Variants in TNNT2 observed in about 807,000 individuals in gnomAD.
The protein encoded by TNNT2 is troponin T, cardiac muscle.
In TNNT2, 34 loss-of-function variants were observed where a neutral mutation model predicts 62.4. The ratio of observed to expected loss-of-function variants is 0.54; its 90% confidence interval spans 0.41 to 0.72. The LOEUF (loss-of-function observed/expected upper bound fraction) is 0.72, where lower values mean the gene tolerates loss of function less well. Ranked by LOEUF, TNNT2 falls within the 30% of genes least tolerant of loss-of-function variation. The pLI, the probability that TNNT2 is intolerant of heterozygous loss-of-function variation, is 0.00. For synonymous variants in TNNT2, 123 were observed against 127.2 expected, an observed-to-expected ratio of 0.97 and a Z score of 0.22; for missense variants, 275 against 381.9, an observed-to-expected ratio of 0.72 and a Z score of 2.33.
At position 201,363,349 on chromosome 1, in the gene TNNT2, G is replaced by T. The variant is rs727503512; in HGVS notation, c.547C>A (p.Arg183=). The T allele has an allele frequency of 6.2e-7, 1 of 1,614,088 alleles. No homozygotes were observed. The highest frequency in any genetic ancestry group is 1.7e-5 in the Admixed American group (1 of 60,008). ...ENRRKAEDEA[R]KKKALSNMMH... ...ATGTTGGACAAAGCCTTCTTCTTCC[G>T]GGCCTCATCCTCAGCCTTCCTCCTG... is the stretch of plus-strand genomic sequence containing the variant. The change falls in exon 12 of 17, where the codon CGG becomes AGG. Residue 183 remains arginine (R), a synonymous_variant. Transcript: ENST00000656932.
At position 201,368,158 on chromosome 1, in the gene TNNT2, TTAC is replaced by T; in HGVS notation, c.163+1_163+3del. The T allele has an allele frequency of 1.9e-6, 3 of 1,614,080 alleles. No individual in the cohort carries two copies. The highest frequency in any genetic ancestry group is 2.5e-6 in the Non-Finnish European group (3 of 1,179,998). ...GGCCCCTGCACCCTCAACCAGAGAC[TTAC>T]CTTCTGCCCTGGTCTCCTCGGTCTC... On this transcript the variant is annotated splice_donor_variant and splice_donor_region_variant and intron_variant, in intron 6 of 16. Coordinates refer to ENST00000656932, the MANE Select transcript of TNNT2 (RefSeq NM_001276345.2). LOFTEE classifies it high-confidence loss of function.
chr1:201,364,367 A>G lies in TNNT2; in HGVS notation c.420T>C (p.Arg140=), dbSNP rs2102254057. The change falls in exon 11 of 17, where the codon CGT becomes CGC. Residue 140 remains arginine (R), a synonymous_variant. Coordinates refer to ENST00000656932, the MANE Select transcript of TNNT2 (RefSeq NM_001276345.2). ...LVSLKDRIER[R]RAERAEQQRI... is the part of the protein sequence containing the mutation. The stretch of plus-strand genomic sequence containing the variant: ...GCTGCTGCTCGGCCCGCTCTGCCCG[A>G]CGTCTCTCCTAAGGAGAAGAGGCAA... 2 of 1,612,798 alleles carry G rather than the reference A, an allele frequency of 1.2e-6. No individual in the cohort carries two copies. The highest frequency in any genetic ancestry group is 8.5e-7 in the Non-Finnish European group (1 of 1,179,964).
rs183848618 is a variant in TNNT2, at chr1:201,365,831, C to T, written c.234-161G>A. 1.9e-3 allele frequency: 2,811 copies of T among 1,516,978 alleles called. 2 individuals carry two copies. The highest frequency in any genetic ancestry group is 2.3e-3 in the Non-Finnish European group (2,589 of 1,129,162). 94.0% of individuals were successfully genotyped at this position (1,516,978 alleles called of 1,614,324 possible). On this transcript the variant is annotated intron_variant, in intron 8 of 16. Coordinates refer to ENST00000656932, the MANE Select transcript of TNNT2 (RefSeq NM_001276345.2). ...CACTGACGTCAACAATGGCAGTCCT[C>T]AGCCTTGCTCAGCACCTGGGAATAC... is the stretch of plus-strand genomic sequence containing the variant.
intron 2 of TNNT2, 21 bp downstream of exon 2, chr1:201,373,193 C>A: frequency 6.2e-7 from 1 of 1,613,902 alleles, no homozygotes; most frequent in Non-Finnish European, 8.5e-7. Flanking sequence ...CCCACTCAGG[C>A]AAGATGCTCC....
At chr1:201,363,795 G>A (rs565796106) in intron 11 of TNNT2, 19 of 314,600 alleles carry the variant, frequency 6.0e-5, no homozygotes, top group African/African-American at 1.9e-4. Flanking sequence ...TCATAAGGAC[G>A]CAGGCATTTC....
chr1:201,362,333 G>C, intron 13 of TNNT2, 53 bp downstream of exon 13: 1 of 1,609,570 alleles, frequency 6.2e-7, no homozygotes, highest in South Asian at 1.1e-5. Context: ...CCCCTCCCAG[G>C]GAGCTCTCCA....
At position 201,361,252 on chromosome 1, in the gene TNNT2, C is replaced by G. The variant is rs142475266; in HGVS notation, c.810+27G>C. On this transcript the variant is annotated intron_variant, in intron 15 of 16. Coordinates refer to ENST00000656932, the MANE Select transcript of TNNT2 (RefSeq NM_001276345.2). Reference sequence around the variant, plus strand: ...CCAGGAGGAGTGTGAGATGGAGATGCTGGGCGGGGACAGCATGGCGGCCCA... The same window carrying G: ...CCAGGAGGAGTGTGAGATGGAGATGGTGGGCGGGGACAGCATGGCGGCCCA... 1.3e-3 allele frequency: 2,150 copies of G among 1,610,554 alleles called. 47 individuals carry two copies. In the Admixed American group the frequency reaches 0.03, roughly 23 times the overall value.
At chr1:201,363,172 T>G (rs1659016544) in intron 12 of TNNT2, 124 bp downstream of exon 12, 1 of 1,591,156 alleles carries the variant, frequency 6.3e-7, no homozygotes, top group African/African-American at 1.3e-5. Context: ...ACCTCAGTCT[T>G]CCACCCACAG....
chr1:201,359,064 G>C lies in TNNT2; in HGVS notation c.*146C>G. Reference sequence around the variant, plus strand: ...TGGTGTGGAGTGGGTGTGGGGGCAGGCAGGAGTGGTGGCTCCCACCTAGGC... The same window carrying C: ...TGGTGTGGAGTGGGTGTGGGGGCAGCCAGGAGTGGTGGCTCCCACCTAGGC... On this transcript the variant is annotated 3_prime_UTR_variant, in exon 17 of 17. Coordinates refer to ENST00000656932, the MANE Select transcript of TNNT2 (RefSeq NM_001276345.2). 1.0e-6 allele frequency: 1 copy of C among 953,010 alleles called. No homozygotes were observed. Among genetic ancestry groups the C allele is most frequent in the Non-Finnish European group, 1.6e-6 (1 of 608,416 alleles). 59.0% of individuals were successfully genotyped at this position (953,010 alleles called of 1,614,324 possible).
chr1:201,368,808 G>A (rs1250715696), intron 5 of TNNT2, among the ~76,000 whole-genome samples: 1 of 152,202 alleles, frequency 6.6e-6, no homozygotes, highest in Non-Finnish European at 1.5e-5. Context: ...TGTGCCTGTA[G>A]GAAGTGTTCT....
At chr1:201,366,004 A>G (rs1659593262) in intron 8 of TNNT2, 1 of 1,212,540 alleles carries the variant, frequency 8.2e-7, no homozygotes, top group Non-Finnish European at 1.0e-6. Flanking sequence ...AGAAGCTGTG[A>G]CAAGATGCCA....
chr1:201,360,026 C>A (rs147194518), intron 15 of TNNT2, among the ~76,000 whole-genome samples: 3 of 152,212 alleles, frequency 2.0e-5, no homozygotes, highest in Non-Finnish European at 4.4e-5. Context: ...GGCACCCCTG[C>A]CCAGCTGCCC....
intron 7 of TNNT2, chr1:201,367,334 G>C: frequency 5.2e-6 from 2 of 382,614 alleles, no homozygotes; most frequent in Non-Finnish European, 9.8e-6. Flanking sequence ...CTCCCCTTTG[G>C]AGAAGTGACT....
intron 7 of TNNT2, 122 bp from the exon 8 acceptor site, chr1:201,366,993 C>T (rs761325234): frequency 1.1e-5 from 17 of 1,535,928 alleles, no homozygotes; most frequent in African/African-American, 4.1e-5. Context: ...GAGTCCCTCC[C>T]GGCACTGGGG....
intron 7 of TNNT2, 121 bp downstream of exon 7, chr1:201,367,650 C>A: frequency 8.6e-7 from 1 of 1,156,146 alleles, no homozygotes; most frequent in South Asian, 1.2e-5. Context: ...CTGTCCTCTC[C>A]TCTCCCAAAC....
rs766666484 is a variant in TNNT2, at chr1:201,365,190, C to T, written c.411+1G>A. The T allele has an allele frequency of 3.7e-6, 6 of 1,611,036 alleles. No homozygotes were observed. The highest frequency in any genetic ancestry group is 1.3e-5 in the African/African-American group (1 of 74,870). On this transcript the variant is annotated splice_donor_variant, in intron 10 of 16. Coordinates refer to ENST00000656932, the MANE Select transcript of TNNT2 (RefSeq NM_001276345.2). LOFTEE classifies it high-confidence loss of function. ...GTTAGGTGGGCAGACTGGACACCTA[C>T]GATCCTGTCTTTGAGAGAAACGAGC...
In TNNT2 at chr1:201,359,129, A is replaced by G. The variant is rs1377480970; in HGVS notation, c.*81T>C. 2.6e-6 allele frequency: 4 copies of G among 1,548,076 alleles called. No homozygotes were observed. The highest frequency in any genetic ancestry group is 2.6e-6 in the Non-Finnish European group (3 of 1,139,518). On this transcript the variant is annotated 3_prime_UTR_variant, in exon 17 of 17. Coordinates refer to ENST00000656932, the MANE Select transcript of TNNT2 (RefSeq NM_001276345.2). ...CAAACAGGAGCTGCCTGGGGTGCCC[A>G]GGAGGGCCCGGGAACTGGGGGAGTG...
rs1571591032 is a variant in TNNT2 at position 201,359,724 on chromosome 1, T to C, written c.811-61A>G. ...GGAGCTGACTGGCTCAGGTCCCAGG[T>C]GGCCTGGGGATGGGGAGAAGGGGGC... On this transcript the variant is annotated intron_variant, in intron 15 of 16. Transcript: ENST00000656932. The C allele has an allele frequency of 6.7e-6, 10 of 1,499,988 alleles. No individual in the cohort carries two copies. The Admixed American group carries it at 7.7e-5, about 12-fold the overall frequency. The allele number at this position is 1,499,988 out of a possible 1,614,324, so 92.9% of individuals were successfully genotyped here.
intron 1 of TNNT2, among the ~76,000 whole-genome samples, chr1:201,376,537 G>T (rs915854340): frequency 6.6e-6 from 1 of 152,168 alleles, no homozygotes; most frequent in Non-Finnish European, 1.5e-5. Flanking sequence ...GGAAGTGGGG[G>T]TCAGAAATAG....
Sources: allele counts gnomAD v4.1 joint callset (sites outside exome capture counted in the v4.1 genomes callset), GRCh38; gene constraint gnomAD v4.1.1; transcripts MANE v1.5; gene names NCBI Gene and HGNC (gene_info 2026-07-23, HGNC 2026-07-21).